The following RBPMS variants were observed in gnomAD, a reference collection of about 807,000 sequenced individuals.
The protein encoded by RBPMS is RNA-binding protein with multiple splicing.
In RBPMS, 7 loss-of-function variants were observed where a neutral mutation model predicts 26.8. The observed-to-expected ratio is 0.26, with a 90% confidence interval of 0.15 to 0.49. RBPMS has a LOEUF of 0.49. Among genes scored for constraint, RBPMS ranks in the 20% least tolerant of loss-of-function variants. The probability of loss-of-function intolerance (pLI) is 0.98; values close to 1 mark genes in which losing one functional copy is unlikely to be tolerated. For missense variants in RBPMS, 186 were observed against 250.0 expected, an observed-to-expected ratio of 0.74 and a Z score of 1.73; for synonymous variants, 96 against 93.3, an observed-to-expected ratio of 1.03 and a Z score of -0.17.
intron 4 of RBPMS, among the ~76,000 whole-genome samples, chr8:30,480,688 C>T (rs898534647): frequency 2.0e-5 from 3 of 152,010 alleles, no homozygotes; most frequent in South Asian, 2.1e-4. Flanking sequence ...TGGTATACAC[C>T]GAAGCACGGT....
At chr8:30,540,830 G>A (rs2151036012) in intron 5 of RBPMS, among the ~76,000 whole-genome samples, 1 of 152,280 alleles carries the variant, frequency 6.6e-6, no homozygotes, top group Admixed American at 6.5e-5. Context: ...AGATCAAACT[G>A]GATCATGGGA....
rs532236971 is a variant in RBPMS at position 30,458,565 on chromosome 8, G to GA, written c.67-16204dup. ...TCTCTACTGAGTAATTCTTTCACAAGAAAAAAAAAACAAAAAACAAAAACA... is the reference window on the plus strand; with the variant it reads ...TCTCTACTGAGTAATTCTTTCACAAGAAAAAAAAAAACAAAAAACAAAAACA... On this transcript the variant is annotated intron_variant, in intron 1 of 8. Transcript: ENST00000397323. Among the ~76,000 whole-genome samples, 714 of 147,122 alleles carry GA rather than the reference G, an allele frequency of 4.9e-3. 7 individuals carry two copies. The highest frequency in any genetic ancestry group is 0.014 in the South Asian group (66 of 4,642).
chr8:30,409,786 T>C (rs116788499), intron 1 of RBPMS, among the ~76,000 whole-genome samples: 2,316 of 152,058 alleles, frequency 0.015, 73 homozygotes, highest in African/African-American at 0.053. Flanking sequence ...GCAAACACCA[T>C]CATGCCCAGC....
intron 1 of RBPMS, among the ~76,000 whole-genome samples, chr8:30,439,087 T>C (rs958225895): frequency 6.6e-6 from 1 of 152,226 alleles, no homozygotes; most frequent in Non-Finnish European, 1.5e-5. Flanking sequence ...GTTTGTTTGC[T>C]GAGGGGGAAT....
intron 1 of RBPMS, among the ~76,000 whole-genome samples, chr8:30,433,010 A>G (rs1812098537): frequency 6.6e-6 from 1 of 152,204 alleles, no homozygotes; most frequent in Non-Finnish European, 1.5e-5. Flanking sequence ...CTGTTCCTCT[A>G]AAATGATGTC....
At chr8:30,555,727 G>A (rs559689317) in intron 6 of RBPMS, among the ~76,000 whole-genome samples, 1 of 152,230 alleles carries the variant, frequency 6.6e-6, no homozygotes. Context: ...GGACCTTGAC[G>A]CAGGCAGTCT....
intron 5 of RBPMS, among the ~76,000 whole-genome samples, chr8:30,520,350 C>T (rs867939440): frequency 6.6e-6 from 1 of 152,012 alleles, no homozygotes; most frequent in Non-Finnish European, 1.5e-5. Context: ...TTTGTTGCAT[C>T]GTTGTTGTTA....
intron 1 of RBPMS, among the ~76,000 whole-genome samples, chr8:30,451,448 G>A (rs889732742): frequency 2.6e-5 from 4 of 152,200 alleles, no homozygotes; most frequent in African/African-American, 4.8e-5. Flanking sequence ...CAGGTCGTGT[G>A]AATGTTGTCT....
chr8:30,509,189 G>A (rs1821342644), intron 5 of RBPMS, among the ~76,000 whole-genome samples: 1 of 152,142 alleles, frequency 6.6e-6, no homozygotes. Context: ...AATTTTTAAA[G>A]TTAAATTCTC....
intron 1 of RBPMS, among the ~76,000 whole-genome samples, chr8:30,410,143 TACACAC>T (rs34489233): frequency 0.031 from 4,100 of 132,146 alleles, 130 homozygotes; most frequent in African/African-American, 0.074. Flanking sequence ...TGACTTAAAA[TACACAC>T]ACACACACAC....
intron 1 of RBPMS, among the ~76,000 whole-genome samples, chr8:30,445,654 ATATATATATATATATATATATGTATTT>A (rs1277498950): frequency 2.8e-5 from 2 of 70,946 alleles, no homozygotes; most frequent in Non-Finnish European, 6.4e-5. Flanking sequence ...ACACGGATAT[ATATATATATATATATATATATGTATTT>A]TCCTGAAACA....
At chr8:30,537,981 A>G (rs1019324798) in intron 5 of RBPMS, among the ~76,000 whole-genome samples, 1 of 152,226 alleles carries the variant, frequency 6.6e-6, no homozygotes, top group Non-Finnish European at 1.5e-5. Context: ...TCACTTCTCC[A>G]TGAGTTGAGT....
At chr8:30,385,580 G>A (rs748880394) in intron 1 of RBPMS, among the ~76,000 whole-genome samples, 1 of 152,046 alleles carries the variant, frequency 6.6e-6, no homozygotes, top group African/African-American at 2.4e-5. Flanking sequence ...CTCGTTAAAA[G>A]ATACCTCTAT....
intron 1 of RBPMS, among the ~76,000 whole-genome samples, chr8:30,466,519 C>T (rs576229300): frequency 6.6e-6 from 1 of 152,248 alleles, no homozygotes; most frequent in African/African-American, 2.4e-5. Context: ...GCACTCCAGC[C>T]TGACCAGAAC....
chr8:30,426,627 C>A (rs1811378852), intron 1 of RBPMS, among the ~76,000 whole-genome samples: 1 of 150,896 alleles, frequency 6.6e-6, no homozygotes, highest in Non-Finnish European at 1.5e-5. Flanking sequence ...TTCTAAAAGT[C>A]AAGGGAGCGA....
At chr8:30,479,257 C>A in intron 3 of RBPMS, 58 bp from the exon 4 acceptor site, 1 of 1,281,846 alleles carries the variant, frequency 7.8e-7, no homozygotes, top group Non-Finnish European at 1.1e-6. Context: ...CACCCTTGAC[C>A]TAGAAAAGTA....
chr8:30,532,285 C>T (rs1824304207), intron 5 of RBPMS, among the ~76,000 whole-genome samples: 1 of 152,124 alleles, frequency 6.6e-6, no homozygotes, highest in South Asian at 2.1e-4. Context: ...GGTAATGACC[C>T]CAGATCATCT....
chr8:30,558,533 C>T, intron 6 of RBPMS: 1 of 398,092 alleles, frequency 2.5e-6, no homozygotes, highest in Non-Finnish European at 4.7e-6. Flanking sequence ...CATTAGATAG[C>T]CTTTCACCAG....
intron 1 of RBPMS, chr8:30,385,466 T>G: frequency 1.2e-5 from 3 of 256,110 alleles, no homozygotes; most frequent in Admixed American, 5.5e-5. Flanking sequence ...TGACCTCAGA[T>G]AATCGGGACT....
Sources: gnomAD v4.1 joint callset for allele counts (sites outside exome capture counted in the v4.1 genomes callset) on GRCh38, gnomAD v4.1.1 for gene constraint, MANE v1.5 for transcripts, NCBI Gene and HGNC (gene_info 2026-07-23, HGNC 2026-07-21) for gene names.